XKR6: variants seen among roughly 807,000 people sequenced by gnomAD.
The protein encoded by XKR6 is XK related 6.
Under a neutral mutation model 56.7 loss-of-function variants are expected in XKR6, and 22 were observed. The ratio of observed to expected loss-of-function variants is 0.39; its 90% CI spans 0.28 to 0.55. The LOEUF is 0.55. Ranked by LOEUF, XKR6 falls within the 20% of genes least tolerant of loss-of-function variation. The probability of loss-of-function intolerance (pLI) is 0.66; values close to 1 mark genes in which losing one functional copy is unlikely to be tolerated. For synonymous variants in XKR6, 524 were observed against 387.8 expected (o/e 1.35, Z -4.13); for missense variants, 852 against 889.0 (o/e 0.96, Z 0.53).
rs1397203761 is a variant in XKR6 at position 10,978,532 on chromosome 8, C to T, written c.765-53702G>A. On this transcript the variant is annotated intron_variant, in intron 1 of 2. Transcript: ENST00000416569. ...AAACAGGTGTATTTTATCACTTGGG[C>T]TTTTTATTAGGGTCTCGTGCATTCT... 1.3e-5 allele frequency among the ~76,000 whole-genome samples: 2 copies of T among 152,138 alleles called. 1 individual carries two copies. The highest frequency in any genetic ancestry group is 2.9e-5 in the Non-Finnish European group (2 of 68,038).
rs527778080 is a variant in XKR6, at chr8:11,099,652, C to A, written c.764+100924G>T. Reference sequence around the variant, plus strand: ...GGGCAATGAAGGATTTACTCATTCACTCGCTCAAATATTATATAGGTATTG... The same window carrying A: ...GGGCAATGAAGGATTTACTCATTCAATCGCTCAAATATTATATAGGTATTG... On this transcript the variant is annotated intron_variant, in intron 1 of 2. Coordinates refer to ENST00000416569, the MANE Select transcript of XKR6 (RefSeq NM_173683.4). Among the ~76,000 whole-genome samples the A allele has an allele frequency of 2.0e-5, 3 of 152,348 alleles. No homozygotes were observed. In the South Asian group the frequency reaches 6.2e-4, roughly 32 times the overall value.
rs530320910 is a variant in XKR6, at chr8:10,915,920, A to G, written c.961+8714T>C. On this transcript the variant is annotated intron_variant, in intron 2 of 2. Transcript: ENST00000416569. The stretch of plus-strand genomic sequence containing the variant: ...GAGCCAGCCAGAGAACGGGGTCAAG[A>G]GGGAGTTGGTCCTCTTTCCCTTGAT... Among the ~76,000 whole-genome samples the G allele has an allele frequency of 3.3e-5, 5 of 152,302 alleles. No homozygotes were observed. The East Asian group carries it at 9.6e-4, about 29-fold the overall frequency.
intron 1 of XKR6, among the ~76,000 whole-genome samples, chr8:11,192,823 G>A (rs1803654963): frequency 6.6e-6 from 1 of 152,152 alleles, no homozygotes; most frequent in Non-Finnish European, 1.5e-5. Context: ...TAACACAGGA[G>A]TCTCTGCCAC....
chr8:10,922,975 G>T, intron 2 of XKR6, among the ~76,000 whole-genome samples: 1 of 152,186 alleles, frequency 6.6e-6, no homozygotes, highest in Non-Finnish European at 1.5e-5. Context: ...CACCAGCTGG[G>T]CTGTCACTCC....
At chr8:11,100,668 G>C (rs1472108738) in intron 1 of XKR6, among the ~76,000 whole-genome samples, 1 of 152,166 alleles carries the variant, frequency 6.6e-6, no homozygotes, top group Admixed American at 6.5e-5. Flanking sequence ...AAACACAACA[G>C]AATTTTGCTG....
At chr8:11,062,243 A>G (rs564520594) in intron 1 of XKR6, among the ~76,000 whole-genome samples, 2 of 152,256 alleles carry the variant, frequency 1.3e-5, no homozygotes, top group Non-Finnish European at 2.9e-5. Context: ...AACACAAACT[A>G]TCACATGCCA....
At chr8:11,195,810 G>A (rs944933323) in intron 1 of XKR6, among the ~76,000 whole-genome samples, 5 of 151,536 alleles carry the variant, frequency 3.3e-5, no homozygotes, top group African/African-American at 4.8e-5. Context: ...CACCACGCCC[G>A]GCTAATTTTT....
At chr8:11,130,569 G>A (rs1035058146) in intron 1 of XKR6, among the ~76,000 whole-genome samples, 22 of 151,556 alleles carry the variant, frequency 1.5e-4, no homozygotes, top group African/African-American at 5.1e-4. Flanking sequence ...TAAAGGGCTA[G>A]GGGCTGCCAA....
Position 11,200,439 on chromosome 8 carries a change from G to T in XKR6, c.764+137C>A. 2 of 1,172,994 alleles carry T rather than the reference G, an allele frequency of 1.7e-6. No homozygotes were observed. The highest frequency in any genetic ancestry group is 4.7e-5 in the South Asian group (2 of 42,602). The allele number at this position is 1,172,994 out of a possible 1,614,324, so 72.7% of individuals were successfully genotyped here. Reference sequence around the variant, plus strand: ...GATCAAACGCCGGTCTTTTGGAGACGCCAGGGGCGGCGCGCGGCCGGTCCC... The same window carrying T: ...GATCAAACGCCGGTCTTTTGGAGACTCCAGGGGCGGCGCGCGGCCGGTCCC... On this transcript the variant is annotated intron_variant, in intron 1 of 2. Transcript: ENST00000416569. This position sits in a 1 kb window ranked among gnomAD's most constrained non-coding sequence, Gnocchi z 6.4.
intron 1 of XKR6, among the ~76,000 whole-genome samples, chr8:11,142,334 T>C (rs1303355610): frequency 1.4e-5 from 2 of 141,684 alleles, no homozygotes; most frequent in African/African-American, 2.5e-5. Context: ...GCAAGAAAGC[T>C]ATAAGGGCTT....
chr8:11,061,943 C>T (rs955590873), intron 1 of XKR6, among the ~76,000 whole-genome samples: 5 of 152,164 alleles, frequency 3.3e-5, no homozygotes, highest in African/African-American at 4.8e-5. Flanking sequence ...CTGTGTCCCT[C>T]GGCTGGCCCT....
intron 1 of XKR6, among the ~76,000 whole-genome samples, chr8:11,097,801 C>T (rs1463861432): frequency 5.8e-5 from 7 of 120,198 alleles, no homozygotes; most frequent in African/African-American, 2.1e-4. Context: ...GAGCTAGACT[C>T]CATCTCAAAA....
chr8:10,970,693 G>T (rs1446981779), intron 1 of XKR6, among the ~76,000 whole-genome samples: 1 of 151,172 alleles, frequency 6.6e-6, no homozygotes, highest in Non-Finnish European at 1.5e-5. Flanking sequence ...CCTCAGTTTT[G>T]TCTGTAACAT....
chr8:11,172,784 G>A (rs1033153149), intron 1 of XKR6, among the ~76,000 whole-genome samples: 10 of 152,212 alleles, frequency 6.6e-5, no homozygotes, highest in African/African-American at 2.4e-4. Flanking sequence ...CTCAGCAGGA[G>A]CAAAGGCCAG....
intron 1 of XKR6, among the ~76,000 whole-genome samples, chr8:11,189,860 G>A (rs1035101165): frequency 6.6e-6 from 1 of 152,174 alleles, no homozygotes; most frequent in African/African-American, 2.4e-5. Context: ...GCCAAGGTTT[G>A]AAAACAGCTG....
intron 2 of XKR6, among the ~76,000 whole-genome samples, chr8:10,910,169 C>T (rs1800309305): frequency 6.6e-6 from 1 of 152,076 alleles, no homozygotes; most frequent in Non-Finnish European, 1.5e-5. Flanking sequence ...GCCAGGGATA[C>T]TGCTAAATAC....
chr8:10,907,942 C>G (rs1396979719), intron 2 of XKR6, among the ~76,000 whole-genome samples: 1 of 152,230 alleles, frequency 6.6e-6, no homozygotes, highest in Non-Finnish European at 1.5e-5. Context: ...ATCTGCCCTC[C>G]TCCCAACACT....
At chr8:11,193,336 G>T (rs573946627) in intron 1 of XKR6, among the ~76,000 whole-genome samples, 11 of 152,234 alleles carry the variant, frequency 7.2e-5, no homozygotes, top group African/African-American at 2.6e-4. Context: ...TCAATGAGAA[G>T]AAATTTTTTG....
At chr8:10,960,030 T>G (rs1276696768) in intron 1 of XKR6, among the ~76,000 whole-genome samples, 1 of 152,204 alleles carries the variant, frequency 6.6e-6, no homozygotes, top group Non-Finnish European at 1.5e-5. Flanking sequence ...CCTTAAAATT[T>G]GCACCTGGCA....
Sources: gnomAD v4.1 joint callset for allele counts (sites outside exome capture counted in the v4.1 genomes callset) on GRCh38, gnomAD v4.1.1 for gene constraint, Gnocchi (gnomAD v3.1) non-coding constraint, MANE v1.5 for transcripts, NCBI Gene and HGNC (gene_info 2026-07-23, HGNC 2026-07-21) for gene names.